SNTG2: variants seen among roughly 807,000 people sequenced by gnomAD.
SNTG2 encodes syntrophin gamma 2.
In SNTG2, 74 loss-of-function variants were observed where a neutral mutation model predicts 70.9. The observed-to-expected ratio is 1.04, with a 90% CI of 0.86 to 1.27. The LOEUF is 1.27. Ranked by LOEUF, SNTG2 falls within the 50% of genes most tolerant of loss-of-function variation. The pLI is 0.00. For missense variants in SNTG2, 717 were observed against 690.7 expected, an observed-to-expected ratio of 1.04 and a Z score of -0.43; for synonymous variants, 278 against 273.8, an observed-to-expected ratio of 1.02 and a Z score of -0.15.
At chr2:1,265,354 A>G (rs1558613551) in intron 13 of SNTG2, among the ~76,000 whole-genome samples, 1 of 152,292 alleles carries the variant, frequency 6.6e-6, no homozygotes, top group South Asian at 2.1e-4. Flanking sequence ...GTACACACAC[A>G]TTCATGTTCA....
At chr2:1,053,977 C>T (rs919659763) in intron 1 of SNTG2, among the ~76,000 whole-genome samples, 1 of 151,540 alleles carries the variant, frequency 6.6e-6, no homozygotes, top group Non-Finnish European at 1.5e-5. Flanking sequence ...GTGTTCCCTC[C>T]TCCCTCTGCA....
intron 4 of SNTG2, among the ~76,000 whole-genome samples, chr2:1,128,264 A>G (rs1220584136): frequency 1.3e-5 from 2 of 152,204 alleles, no homozygotes; most frequent in African/African-American, 4.8e-5. Context: ...ACTGTGAATA[A>G]TGGAATCAAG....
chr2:1,132,242 T>TACACACAC (rs1311549914), intron 4 of SNTG2, among the ~76,000 whole-genome samples: 2 of 116,924 alleles, frequency 1.7e-5, no homozygotes, highest in Non-Finnish European at 4.3e-5. Flanking sequence ...TGTGTGTATA[T>TACACACAC]ATATACACAC....
chr2:1,095,381 C>T (rs755791017), intron 2 of SNTG2, among the ~76,000 whole-genome samples: 1 of 152,290 alleles, frequency 6.6e-6, no homozygotes, highest in South Asian at 2.1e-4. Flanking sequence ...TACAAATGTA[C>T]ACAGAAAGGA....
chr2:1,254,050 CA>C (rs1677910423), intron 12 of SNTG2, among the ~76,000 whole-genome samples: 1 of 152,216 alleles, frequency 6.6e-6, no homozygotes, highest in Non-Finnish European at 1.5e-5. Context: ...ATGATGCAGT[CA>C]CCTCCCACCA....
At chr2:1,306,685 A>AGTGTGTGT (rs34835668) in intron 14 of SNTG2, among the ~76,000 whole-genome samples, 21,018 of 148,978 alleles carry the variant, frequency 0.14, 1,765 homozygotes, top group Middle Eastern at 0.21. Context: ...CCAGGGTGTG[A>AGTGTGTGT]GTGTGTGTGT....
At chr2:1,197,248 T>C in intron 8 of SNTG2, among the ~76,000 whole-genome samples, 1 of 152,020 alleles carries the variant, frequency 6.6e-6, no homozygotes, top group East Asian at 1.9e-4. Flanking sequence ...AGTAAATACA[T>C]TTATTACCTG....
At chr2:1,128,368 T>C (rs1294789172) in intron 4 of SNTG2, among the ~76,000 whole-genome samples, 5 of 152,228 alleles carry the variant, frequency 3.3e-5, no homozygotes, top group Admixed American at 1.3e-4. Context: ...TACATTTTAT[T>C]ATACATATGA....
intron 1 of SNTG2, among the ~76,000 whole-genome samples, chr2:995,581 AT>A (rs1418462484): frequency 6.6e-6 from 1 of 152,072 alleles, no homozygotes; most frequent in African/African-American, 2.4e-5. Context: ...TAAGTTGGAA[AT>A]TATTTCCTCT....
At chr2:1,300,059 C>T (rs982419837) in intron 14 of SNTG2, among the ~76,000 whole-genome samples, 3 of 151,202 alleles carry the variant, frequency 2.0e-5, no homozygotes, top group Non-Finnish European at 4.4e-5. Flanking sequence ...CTCTGAAGGG[C>T]GTGCAAGAAG....
At chr2:1,008,256 G>GTCCCCT (rs1558307442) in intron 1 of SNTG2, among the ~76,000 whole-genome samples, 1 of 152,128 alleles carries the variant, frequency 6.6e-6, no homozygotes, top group Non-Finnish European at 1.5e-5. Context: ...TTAGTTAGGG[G>GTCCCCT]ACATTTCGAA....
At chr2:1,088,911 A>C (rs1351901329) in intron 2 of SNTG2, among the ~76,000 whole-genome samples, 1 of 152,228 alleles carries the variant, frequency 6.6e-6, no homozygotes, top group Non-Finnish European at 1.5e-5. Flanking sequence ...TTGTCTCCAC[A>C]GCGGAGGATG....
chr2:1,005,640 C>G (rs1659539382), intron 1 of SNTG2, among the ~76,000 whole-genome samples: 1 of 151,072 alleles, frequency 6.6e-6, no homozygotes, highest in Non-Finnish European at 1.5e-5. Flanking sequence ...CTCGTCTCCA[C>G]TAACAGTACA....
chr2:1,239,811 C>G, intron 11 of SNTG2, 35 bp downstream of exon 11: 1 of 1,605,774 alleles, frequency 6.2e-7, no homozygotes, highest in Non-Finnish European at 8.5e-7. Context: ...TGATGTAACA[C>G]ATCAGGTAGG....
At chr2:999,358 AAAC>A (rs913175938) in intron 1 of SNTG2, among the ~76,000 whole-genome samples, 19 of 152,190 alleles carry the variant, frequency 1.2e-4, no homozygotes, top group East Asian at 5.8e-4. Flanking sequence ...AATTGATTTA[AAAC>A]AACAACAACA....
At chr2:1,206,431 G>A (rs1673637966) in intron 8 of SNTG2, among the ~76,000 whole-genome samples, 1 of 152,192 alleles carries the variant, frequency 6.6e-6, no homozygotes, top group Admixed American at 6.5e-5. Flanking sequence ...GGCAGCTGGA[G>A]AGGAAGGAGC....
At chr2:1,036,939 G>A (rs768399419) in intron 1 of SNTG2, among the ~76,000 whole-genome samples, 2 of 152,218 alleles carry the variant, frequency 1.3e-5, no homozygotes, top group Non-Finnish European at 2.9e-5. Context: ...AGACTCAGGA[G>A]CCTGGGTTGT....
chr2:1,011,398 T>C lies in SNTG2; in HGVS notation c.72+60330T>C, dbSNP rs753630375. On this transcript the variant is annotated intron_variant, in intron 1 of 16. Coordinates refer to ENST00000308624, the MANE Select transcript of SNTG2 (RefSeq NM_018968.4). ...CTCCTTTAACTGTTAAAAATCCCACTAAATAAATATGATAACACCATCAGT... is the reference window on the plus strand; with the variant it reads ...CTCCTTTAACTGTTAAAAATCCCACCAAATAAATATGATAACACCATCAGT... Among the ~76,000 whole-genome samples the C allele has an allele frequency of 1.1e-4, 16 of 152,228 alleles. 1 individual carries two copies. The highest frequency in any genetic ancestry group is 2.2e-4 in the Non-Finnish European group (15 of 68,032).
chr2:1,001,328 ATC>A (rs1267399438), intron 1 of SNTG2, among the ~76,000 whole-genome samples: 2 of 152,080 alleles, frequency 1.3e-5, no homozygotes, highest in African/African-American at 2.4e-5. Context: ...ATGTCAAATT[ATC>A]TCTGTTTGCT....
Sources: gnomAD v4.1 joint callset for allele counts (sites outside exome capture counted in the v4.1 genomes callset) on GRCh38, gnomAD v4.1.1 for gene constraint, MANE v1.5 for transcripts, NCBI Gene and HGNC (gene_info 2026-07-23, HGNC 2026-07-21) for gene names.